The following SLC5A1 variants were observed in gnomAD, a reference collection of about 807,000 sequenced individuals.
The protein encoded by SLC5A1 is solute carrier family 5 member 1.
A neutral mutation model predicts 73.5 loss-of-function variants in SLC5A1; 42 were observed. The observed-to-expected ratio is 0.57, with a 90% CI of 0.45 to 0.74. SLC5A1 has a LOEUF of 0.74. SLC5A1 is among the 30% of genes least tolerant of loss of function. The pLI is 0.00. For synonymous variants in SLC5A1, 300 were observed against 317.4 expected (o/e 0.95, Z 0.58); for missense variants, 634 against 855.4 (o/e 0.74, Z 3.23).
At chr22:32,090,812 G>C (rs9621385) in intron 10 of SLC5A1, among the ~76,000 whole-genome samples, 1 of 151,970 alleles carries the variant, frequency 6.6e-6, no homozygotes, top group African/African-American at 2.4e-5. Flanking sequence ...GACTGACCCA[G>C]ACTATTTTCT....
In SLC5A1 at chr22:32,094,185, G is replaced by A. The variant is rs548187219; in HGVS notation, c.1280+2423G>A. Reference sequence around the variant, plus strand: ...TAAACCATCCCTGCATCCCTGGTACGAAACCCACTTGATCATGGTGGATTA... The same window carrying A: ...TAAACCATCCCTGCATCCCTGGTACAAAACCCACTTGATCATGGTGGATTA... On this transcript the variant is annotated intron_variant, in intron 11 of 14. Coordinates refer to ENST00000266088, the MANE Select transcript of SLC5A1 (RefSeq NM_000343.4). Among the ~76,000 whole-genome samples the A allele has an allele frequency of 5.3e-5, 8 of 152,212 alleles. No individual in the cohort carries two copies. In the East Asian group the frequency reaches 7.7e-4, roughly 15 times the overall value.
chr22:32,101,360 T>C (rs1438698511), intron 12 of SLC5A1, among the ~76,000 whole-genome samples: 1 of 152,046 alleles, frequency 6.6e-6, no homozygotes, highest in African/African-American at 2.4e-5. Flanking sequence ...CCCTGAAAAA[T>C]CATCCCCTCA....
At chr22:32,078,954 C>CAGA (rs1412133108) in intron 5 of SLC5A1, among the ~76,000 whole-genome samples, 5 of 109,116 alleles carry the variant, frequency 4.6e-5, no homozygotes, top group African/African-American at 2.2e-4. Flanking sequence ...ACTCTGTCTC[C>CAGA]AAAAAAAAAA....
At position 32,083,113 on chromosome 22, in the gene SLC5A1, C is replaced by T. The variant is rs199872285; in HGVS notation, c.623C>T (p.Thr208Met). 36 of 1,614,098 alleles carry T rather than the reference C, an allele frequency of 2.2e-5. No homozygotes were observed. The highest frequency in any genetic ancestry group is 6.6e-5 in the South Asian group (6 of 91,084). Residue 208 changes from threonine (T) to methionine (M), a missense_variant, in exon 7 of 15, where the codon ACG becomes ATG. Physicochemically the swap from Thr to Met is moderately conservative, Grantham distance 81 (BLOSUM62 -1). Around this residue, in one of 3 missense-constraint regions of SLC5A1, gnomAD observed 422 missense variants for 626.1 expected, o/e 0.67. Coordinates refer to ENST00000266088, the MANE Select transcript of SLC5A1 (RefSeq NM_000343.4). ...AAVIYTDTLQ[T>M]VIMLVGSLIL... ...GTGATTTACACGGACACCTTGCAGA[C>T]GGTGATCATGCTGGTGGGGTCTTTA...
intron 13 of SLC5A1, among the ~76,000 whole-genome samples, chr22:32,102,501 C>T (rs1182377924): frequency 6.6e-6 from 1 of 152,076 alleles, no homozygotes; most frequent in Non-Finnish European, 1.5e-5. Flanking sequence ...ATTATGGTGG[C>T]TCATGCCTGT....
At chr22:32,101,414 C>A (rs1471626202) in intron 12 of SLC5A1, among the ~76,000 whole-genome samples, 3 of 151,756 alleles carry the variant, frequency 2.0e-5, no homozygotes, top group Admixed American at 1.3e-4. Context: ...ATATGCAGAC[C>A]CAAAATTTAA....
At chr22:32,092,670 A>T (rs1195565551) in intron 11 of SLC5A1, among the ~76,000 whole-genome samples, 4 of 151,902 alleles carry the variant, frequency 2.6e-5, no homozygotes, top group Non-Finnish European at 5.9e-5. Flanking sequence ...TTTCCTTGTT[A>T]ATTTGTTTGA....
intron 5 of SLC5A1, among the ~76,000 whole-genome samples, 161 bp from the exon 6 acceptor site, chr22:32,081,705 A>G (rs1555965474): frequency 6.6e-6 from 1 of 152,222 alleles, no homozygotes; most frequent in Non-Finnish European, 1.5e-5. Flanking sequence ...AATTCTGTTT[A>G]GCATTTTATA....
intron 1 of SLC5A1, 30 bp from the exon 2 acceptor site, chr22:32,049,913 C>T (rs201552963): frequency 4.6e-5 from 74 of 1,598,414 alleles, no homozygotes; most frequent in Non-Finnish European, 5.7e-5. Flanking sequence ...TTCTAGTTTT[C>T]GATTACATTT....
intron 2 of SLC5A1, among the ~76,000 whole-genome samples, chr22:32,053,116 A>G (rs1445093135): frequency 6.6e-6 from 1 of 152,098 alleles, no homozygotes; most frequent in Non-Finnish European, 1.5e-5. Flanking sequence ...TGGTGTGGCT[A>G]TGTTTCCTCA....
chr22:32,049,115 C>A (rs901344170), intron 1 of SLC5A1, among the ~76,000 whole-genome samples: 2 of 140,148 alleles, frequency 1.4e-5, no homozygotes, highest in African/African-American at 5.3e-5. Flanking sequence ...TATATATAAT[C>A]ATTATATATA....
chr22:32,063,364 C>A (rs2093966784), intron 2 of SLC5A1, among the ~76,000 whole-genome samples: 1 of 152,168 alleles, frequency 6.6e-6, no homozygotes. Context: ...ACAACTGGTT[C>A]ATTATTTCAT....
intron 5 of SLC5A1, among the ~76,000 whole-genome samples, chr22:32,077,507 G>C (rs1234807373): frequency 6.6e-6 from 1 of 152,004 alleles, no homozygotes; most frequent in African/African-American, 2.4e-5. Flanking sequence ...TGGTCTCATA[G>C]GATGACAGGA....
rs1347680132 is a variant in SLC5A1 at position 32,112,474 on chromosome 22, C to G, written c.*2261C>G. The G allele has an allele frequency of 6.6e-6, 1 of 152,178 alleles. No homozygotes were observed. Among genetic ancestry groups the G allele is most frequent in the Non-Finnish European group, 1.5e-5 (1 of 68,052 alleles). The allele number at this position is 152,178 out of a possible 1,614,324, so 9.4% of individuals were successfully genotyped here. ...TAAAAGGCCCGGTCCGTAGAAAATGCCCAATAAACATTACTGCTTTCCCCC... is the reference window on the plus strand; with the variant it reads ...TAAAAGGCCCGGTCCGTAGAAAATGGCCAATAAACATTACTGCTTTCCCCC... On this transcript the variant is annotated 3_prime_UTR_variant, in exon 15 of 15. Transcript: ENST00000266088.
chr22:32,084,467 C>T lies in SLC5A1; in HGVS notation c.693C>T (p.Ala231=). The T allele has an allele frequency of 6.2e-7, 1 of 1,614,210 alleles. No homozygotes were observed. Reference sequence around the variant, plus strand: ...TTCACGAAGTGGGAGGCTATGACGCCTTCATGGAAAAGTACATGAAAGCCA... The same window carrying T: ...TTCACGAAGTGGGAGGCTATGACGCTTTCATGGAAAAGTACATGAAAGCCA... ...FAFHEVGGYD[A]FMEKYMKAIP... is the part of the protein sequence containing the mutation. Residue 231 remains alanine (A), a synonymous_variant, in exon 8 of 15, where the codon GCC becomes GCT. Coordinates refer to ENST00000266088, the MANE Select transcript of SLC5A1 (RefSeq NM_000343.4).
intron 2 of SLC5A1, among the ~76,000 whole-genome samples, chr22:32,063,195 G>A (rs910696486): frequency 6.6e-6 from 1 of 152,164 alleles, no homozygotes; most frequent in Admixed American, 6.5e-5. Context: ...CACCTTGGGG[G>A]TTGGGGCTTT....
intron 2 of SLC5A1, among the ~76,000 whole-genome samples, chr22:32,052,923 G>C (rs185658870): frequency 1.7e-4 from 26 of 152,308 alleles, no homozygotes; most frequent in African/African-American, 5.8e-4. Flanking sequence ...ACAGTGGTAA[G>C]AATTCAGGAG....
At chr22:32,094,034 G>A (rs1307005282) in intron 11 of SLC5A1, among the ~76,000 whole-genome samples, 3 of 152,096 alleles carry the variant, frequency 2.0e-5, no homozygotes, top group Non-Finnish European at 4.4e-5. Context: ...ATTTTGCTGA[G>A]TATTTTAATC....
intron 11 of SLC5A1, among the ~76,000 whole-genome samples, chr22:32,096,747 C>A (rs1008471867): frequency 1.3e-5 from 2 of 152,120 alleles, no homozygotes; most frequent in Non-Finnish European, 2.9e-5. Flanking sequence ...TTCTATGGGG[C>A]TAATGCAGGT....
Sources: gnomAD v4.1 joint callset for allele counts (sites outside exome capture counted in the v4.1 genomes callset) on GRCh38, gnomAD v4.1.1 for gene constraint, gnomAD v4.1.1 regional missense constraint, MANE v1.5 for transcripts, NCBI Gene and HGNC (gene_info 2026-07-23, HGNC 2026-07-21) for gene names.